STK32B: variants seen among roughly 807,000 people sequenced by gnomAD.
STK32B encodes the protein serine/threonine kinase 32B, also known as serine/threonine-protein kinase 32B.
Under a neutral mutation model 52.6 loss-of-function variants are expected in STK32B, and 43 were observed. The ratio of observed to expected loss-of-function variants is 0.82; its 90% CI spans 0.64 to 1.05. STK32B has a LOEUF of 1.05. STK32B is among the 50% of genes least tolerant of loss of function. The pLI is 0.00. For missense variants in STK32B, 621 were observed against 534.6 expected, an observed-to-expected ratio of 1.16 and a Z score of -1.59; for synonymous variants, 238 against 204.3, an observed-to-expected ratio of 1.17 and a Z score of -1.41.
intron 3 of STK32B, among the ~76,000 whole-genome samples, chr4:5,245,359 G>C (rs532138132): frequency 3.0e-4 from 46 of 152,052 alleles, no homozygotes; most frequent in African/African-American, 1.0e-3. Flanking sequence ...TTTTGATCTT[G>C]GTTGGTTTAA....
At chr4:5,482,631 G>C (rs570667878) in intron 11 of STK32B, among the ~76,000 whole-genome samples, 3 of 152,290 alleles carry the variant, frequency 2.0e-5, no homozygotes, top group East Asian at 1.9e-4. Flanking sequence ...ATATTGAATA[G>C]GAGTAGTGAG....
intron 11 of STK32B, among the ~76,000 whole-genome samples, chr4:5,478,248 A>G (rs1718388236): frequency 6.6e-6 from 1 of 152,144 alleles, no homozygotes; most frequent in African/African-American, 2.4e-5. Flanking sequence ...GGGAAAATCA[A>G]TCCCCCATGA....
chr4:5,426,082 TG>T (rs769304364), intron 6 of STK32B, among the ~76,000 whole-genome samples: 22 of 152,348 alleles, frequency 1.4e-4, no homozygotes, highest in Admixed American at 2.6e-4. Context: ...AGGTTTTATA[TG>T]AGCTTAAATT....
chr4:5,235,890 G>A (rs1233004063), intron 3 of STK32B, among the ~76,000 whole-genome samples: 1 of 152,170 alleles, frequency 6.6e-6, no homozygotes, highest in African/African-American at 2.4e-5. Flanking sequence ...TTTCCAGGGG[G>A]AGGCAGCTTC....
At chr4:5,333,188 C>G (rs989801228) in intron 4 of STK32B, among the ~76,000 whole-genome samples, 5 of 152,240 alleles carry the variant, frequency 3.3e-5, no homozygotes, top group African/African-American at 4.8e-5. Flanking sequence ...GATTGCCATT[C>G]TAACTGGTGT....
chr4:5,496,358 C>A (rs1156611158), intron 11 of STK32B, among the ~76,000 whole-genome samples: 1 of 152,206 alleles, frequency 6.6e-6, no homozygotes, highest in African/African-American at 2.4e-5. Flanking sequence ...CAGCGAGACT[C>A]CGTGGGCATA....
At chr4:5,162,396 C>T (rs529805210) in intron 2 of STK32B, among the ~76,000 whole-genome samples, 27 of 152,242 alleles carry the variant, frequency 1.8e-4, no homozygotes, top group South Asian at 1.0e-3. Context: ...TGTCAGCGCC[C>T]GGAATATACT....
intron 2 of STK32B, among the ~76,000 whole-genome samples, chr4:5,141,430 G>A (rs1373486752): frequency 6.6e-6 from 1 of 152,226 alleles, no homozygotes; most frequent in Non-Finnish European, 1.5e-5. Flanking sequence ...GGTGCAAGGT[G>A]AGGTCAGTGA....
intron 3 of STK32B, among the ~76,000 whole-genome samples, chr4:5,246,564 C>G (rs552559697): frequency 3.2e-4 from 49 of 152,330 alleles, no homozygotes; most frequent in Non-Finnish European, 6.9e-4. Context: ...CAGCCTTCCT[C>G]TCTCAACTTG....
intron 1 of STK32B, chr4:5,127,228 A>C (rs1446189137): frequency 2.2e-6 from 1 of 454,954 alleles, no homozygotes; most frequent in Non-Finnish European, 4.4e-6. Flanking sequence ...GTCCCAGAAA[A>C]TTTAAATGTC....
At chr4:5,490,846 A>G (rs555736460) in intron 11 of STK32B, among the ~76,000 whole-genome samples, 1 of 152,232 alleles carries the variant, frequency 6.6e-6, no homozygotes, top group South Asian at 2.1e-4. Context: ...TTCTTGCGAT[A>G]GTTTACTGAG....
chr4:5,031,101 G>C, the STK32B span, among the ~76,000 whole-genome samples: 1 of 152,154 alleles, frequency 6.6e-6, no homozygotes, highest in African/African-American at 2.4e-5. Context: ...CTTGCTCTTG[G>C]TGGGTCTCAG....
rs76469510 is a variant in STK32B, at chr4:5,122,725, G to A, written c.53-17180G>A. Among the ~76,000 whole-genome samples the A allele has an allele frequency of 4.6e-3, 695 of 152,280 alleles. 25 individuals are homozygous for A. The East Asian group carries it at 0.082, about 18-fold the overall frequency. ...GCTGTTCCTTTGCCAACGCTTGGAG[G>A]ACTTACTGTGTGCAGGTCCTGGCTC... On this transcript the variant is annotated intron_variant, in intron 1 of 11. Coordinates refer to ENST00000282908, the MANE Select transcript of STK32B (RefSeq NM_018401.3).
chr4:5,274,542 A>G (rs943385531), intron 3 of STK32B, among the ~76,000 whole-genome samples: 2 of 152,158 alleles, frequency 1.3e-5, no homozygotes, highest in Admixed American at 6.5e-5. Context: ...CACCTGACCA[A>G]TCAGAGAGCT....
At chr4:5,404,359 C>G (rs147311606) in intron 5 of STK32B, among the ~76,000 whole-genome samples, 1 of 151,982 alleles carries the variant, frequency 6.6e-6, no homozygotes, top group Admixed American at 6.5e-5. Flanking sequence ...GTGTGCGTGT[C>G]GGCGTCCAAA....
At chr4:5,408,417 C>T (rs958511232) in intron 5 of STK32B, among the ~76,000 whole-genome samples, 2 of 152,116 alleles carry the variant, frequency 1.3e-5, no homozygotes, top group African/African-American at 2.4e-5. Flanking sequence ...GCCTCCCCTT[C>T]GCCTTTCACC....
chr4:5,495,091 T>G (rs1330843998), intron 11 of STK32B, among the ~76,000 whole-genome samples: 1 of 152,156 alleles, frequency 6.6e-6, no homozygotes, highest in African/African-American at 2.4e-5. Flanking sequence ...TTTGTGGCAT[T>G]CTCTGTATTT....
intron 4 of STK32B, among the ~76,000 whole-genome samples, chr4:5,350,948 G>A (rs1023854376): frequency 6.6e-6 from 1 of 151,954 alleles, no homozygotes; most frequent in Admixed American, 6.6e-5. Flanking sequence ...CCCAATGGTG[G>A]AGCACCCAGA....
At chr4:5,407,070 A>C (rs1274472037) in intron 5 of STK32B, among the ~76,000 whole-genome samples, 4 of 152,130 alleles carry the variant, frequency 2.6e-5, no homozygotes, top group Middle Eastern at 3.2e-3. Flanking sequence ...AGGCTGTTAG[A>C]GGCAGCCAAG....
Sources: allele counts gnomAD v4.1 joint callset (sites outside exome capture counted in the v4.1 genomes callset), GRCh38; gene constraint gnomAD v4.1.1; transcripts MANE v1.5; gene names NCBI Gene and HGNC (gene_info 2026-07-23, HGNC 2026-07-21).